Variants in CTNNA3 observed in about 807,000 individuals in gnomAD.
CTNNA3 encodes catenin alpha-3.
CTNNA3 carries 76 observed loss-of-function variants against 95.7 expected under a neutral mutation model. The ratio of observed to expected loss-of-function variants is 0.79; its 90% CI spans 0.66 to 0.96. CTNNA3 has a LOEUF of 0.96. Among genes scored for constraint, CTNNA3 ranks in the 40% least tolerant of loss-of-function variants. The pLI, the probability that CTNNA3 is intolerant of heterozygous loss-of-function variation, is 0.00. For synonymous variants in CTNNA3, 431 were observed against 374.4 expected (o/e 1.15, Z -1.74); for missense variants, 1,191 against 1,089.8 (o/e 1.09, Z -1.31).
rs1318520744 is a variant in CTNNA3 at position 66,551,855 on chromosome 10, T to C, written c.1375-31082A>G. ...CATAGCTCATGGTGATCCTGAAAAT[T>C]GTACAGGTTCATTCACGGGATTAGG... On this transcript the variant is annotated intron_variant, in intron 10 of 17. Coordinates refer to ENST00000433211, the MANE Select transcript of CTNNA3 (RefSeq NM_013266.4). Among the ~76,000 whole-genome samples, 70 of 151,842 alleles carry C rather than the reference T, an allele frequency of 4.6e-4. 1 individual carries two copies. The highest frequency in any genetic ancestry group is 4.6e-3 in the Admixed American group (70 of 15,234).
At chr10:66,021,914 T>C (rs924575495) in intron 15 of CTNNA3, among the ~76,000 whole-genome samples, 1 of 140,206 alleles carries the variant, frequency 7.1e-6, no homozygotes, top group Admixed American at 7.8e-5. Flanking sequence ...AGTACAATTG[T>C]ACGACCGCAG....
chr10:66,307,634 G>T (rs576966002), intron 12 of CTNNA3, among the ~76,000 whole-genome samples: 1 of 152,054 alleles, frequency 6.6e-6, no homozygotes, highest in Non-Finnish European at 1.5e-5. Context: ...GATTTAGGAT[G>T]AGAATAAATA....
intron 11 of CTNNA3, among the ~76,000 whole-genome samples, chr10:66,465,506 C>T (rs374505723): frequency 2.0e-5 from 3 of 152,084 alleles, no homozygotes; most frequent in Admixed American, 6.6e-5. Context: ...TGGTTAAGAC[C>T]TGCACTGAAG....
At chr10:67,315,941 T>C (rs1841031569) in intron 5 of CTNNA3, among the ~76,000 whole-genome samples, 1 of 152,098 alleles carries the variant, frequency 6.6e-6, no homozygotes, top group Non-Finnish European at 1.5e-5. Context: ...TACATTAGAA[T>C]AGAAAACAAT....
At chr10:66,432,752 C>A (rs1205895114) in intron 11 of CTNNA3, among the ~76,000 whole-genome samples, 1 of 151,966 alleles carries the variant, frequency 6.6e-6, no homozygotes, top group Non-Finnish European at 1.5e-5. Flanking sequence ...TTTGATGCAC[C>A]CATCAACTCA....
intron 1 of CTNNA3, among the ~76,000 whole-genome samples, chr10:67,726,036 C>A (rs1841210606): frequency 1.6e-5 from 2 of 123,610 alleles, no homozygotes; most frequent in Non-Finnish European, 1.6e-5. Flanking sequence ...AAATGGAATT[C>A]TATTATATAC....
At chr10:67,101,283 T>C (rs1305532475) in intron 7 of CTNNA3, among the ~76,000 whole-genome samples, 1 of 151,666 alleles carries the variant, frequency 6.6e-6, no homozygotes, top group African/African-American at 2.4e-5. Context: ...AAGAGATCCA[T>C]AGTACAGGGT....
At chr10:66,303,573 TAA>T (rs1235038739) in intron 12 of CTNNA3, among the ~76,000 whole-genome samples, 1 of 152,048 alleles carries the variant, frequency 6.6e-6, no homozygotes, top group East Asian at 1.9e-4. Context: ...TGAATAAAAA[TAA>T]AAGTCTTATC....
intron 7 of CTNNA3, among the ~76,000 whole-genome samples, chr10:66,800,185 A>G (rs947830862): frequency 1.2e-4 from 18 of 151,562 alleles, no homozygotes; most frequent in African/African-American, 4.3e-4. Flanking sequence ...AATATAAATC[A>G]TTCTAGTAAT....
At chr10:67,355,180 T>C (rs1482224523) in intron 5 of CTNNA3, among the ~76,000 whole-genome samples, 1 of 152,030 alleles carries the variant, frequency 6.6e-6, no homozygotes, top group African/African-American at 2.4e-5. Context: ...TGTACTTATT[T>C]TTATCAAAAA....
intron 7 of CTNNA3, among the ~76,000 whole-genome samples, chr10:66,938,684 TAC>T (rs1847847453): frequency 6.6e-6 from 1 of 152,104 alleles, no homozygotes; most frequent in Non-Finnish European, 1.5e-5. Context: ...CTTAGGAAAA[TAC>T]AGTTTTAAAG....
chr10:66,625,198 C>G (rs1182712863), intron 9 of CTNNA3, among the ~76,000 whole-genome samples: 1 of 152,132 alleles, frequency 6.6e-6, no homozygotes, highest in Non-Finnish European at 1.5e-5. Context: ...GCAGCTCTTT[C>G]CTTCCCACCA....
chr10:67,235,731 T>C (rs1383245076), intron 5 of CTNNA3, among the ~76,000 whole-genome samples: 1 of 143,602 alleles, frequency 7.0e-6, no homozygotes, highest in East Asian at 2.1e-4. Flanking sequence ...ACAGGCAACC[T>C]ACAAAATGGG....
At chr10:66,866,831 T>C (rs1564733286) in intron 7 of CTNNA3, among the ~76,000 whole-genome samples, 2 of 152,134 alleles carry the variant, frequency 1.3e-5, no homozygotes, top group African/African-American at 2.4e-5. Flanking sequence ...ATGACTGATA[T>C]GGTTTGGCTG....
Position 66,010,485 on chromosome 10 carries a change from A to T in CTNNA3, c.2160-21688T>A, listed in dbSNP as rs532899427. Among the ~76,000 whole-genome samples the T allele has an allele frequency of 2.6e-4, 40 of 152,348 alleles. No homozygotes were observed. The South Asian group carries it at 4.1e-3, about 16-fold the overall frequency. On this transcript the variant is annotated intron_variant, in intron 15 of 17. Coordinates refer to ENST00000433211, the MANE Select transcript of CTNNA3 (RefSeq NM_013266.4). ...AACATTGTTACAAATAATGATAATA[A>T]TAAAAGATCTAAAGAACAAAAGAGC...
At chr10:66,083,241 T>C (rs1436091037) in intron 14 of CTNNA3, among the ~76,000 whole-genome samples, 1 of 152,194 alleles carries the variant, frequency 6.6e-6, no homozygotes, top group Non-Finnish European at 1.5e-5. Flanking sequence ...TACCCAATCT[T>C]AATACTAGAA....
At chr10:65,970,436 G>C (rs967327064) in intron 16 of CTNNA3, among the ~76,000 whole-genome samples, 1 of 151,846 alleles carries the variant, frequency 6.6e-6, no homozygotes, top group Non-Finnish European at 1.5e-5. Flanking sequence ...TATTATCCTT[G>C]AATGTGAATA....
intron 16 of CTNNA3, among the ~76,000 whole-genome samples, chr10:65,975,756 CAG>C (rs149124681): frequency 5.3e-4 from 81 of 152,204 alleles, no homozygotes; most frequent in Non-Finnish European, 8.8e-4. Context: ...AAGTAAGTTT[CAG>C]AGAGAGTAAA....
intron 11 of CTNNA3, among the ~76,000 whole-genome samples, chr10:66,473,984 A>G (rs1486683922): frequency 1.3e-5 from 2 of 152,122 alleles, no homozygotes; most frequent in Non-Finnish European, 2.9e-5. Context: ...ATACGTGTAC[A>G]TGTGTCTTTA....
Sources: gnomAD v4.1 joint callset for allele counts (sites outside exome capture counted in the v4.1 genomes callset) on GRCh38, gnomAD v4.1.1 for gene constraint, MANE v1.5 for transcripts, NCBI Gene and HGNC (gene_info 2026-07-23, HGNC 2026-07-21) for gene names.